The following NTF3 variants were observed in gnomAD, a reference collection of about 807,000 sequenced individuals.
The protein encoded by NTF3 is neurotrophin-3.
In NTF3, 8 loss-of-function variants were observed where a neutral mutation model predicts 26.3. The ratio of observed to expected loss-of-function variants is 0.30; its 90% CI spans 0.18 to 0.55. The LOEUF is 0.55. NTF3 is among the 20% of genes least tolerant of loss of function. The pLI is 0.93. For missense variants in NTF3, 276 were observed against 352.9 expected (o/e 0.78, Z 1.75); for synonymous variants, 154 against 145.5 (o/e 1.06, Z -0.42).
At chr12:5,465,294 C>G (rs923565343) in intron 1 of NTF3, among the ~76,000 whole-genome samples, 2 of 152,220 alleles carry the variant, frequency 1.3e-5, no homozygotes, top group Non-Finnish European at 2.9e-5. Context: ...AGGCCGTTGC[C>G]TAGAATAGGG....
chr12:5,432,332 C>T lies in NTF3; in HGVS notation c.8C>T (p.Thr3Ile). 1 of 1,613,046 alleles carries T rather than the reference C, an allele frequency of 6.2e-7. No homozygotes were observed. Among genetic ancestry groups the T allele is most frequent in the Non-Finnish European group, 8.5e-7 (1 of 1,179,668 alleles). ...AACGGCCACACGGATGCCATGGTTACTTTTGCCACGGTAAGGGGAGGCGGC... is the reference window on the plus strand; with the variant it reads ...AACGGCCACACGGATGCCATGGTTATTTTTGCCACGGTAAGGGGAGGCGGC... MVTFATILQVNKV... is the reference protein window; with the variant it reads MVIFATILQVNKV... The change falls in exon 1 of 2, where the codon ACT (threonine) becomes ATT (isoleucine). Residue 3 changes from threonine (T) to isoleucine (I), a missense_variant. By Grantham distance (89) the Thr-to-Ile change is moderately conservative. Coordinates refer to ENST00000423158, the MANE Select transcript of NTF3 (RefSeq NM_001102654.2).
Position 5,494,285 on chromosome 12 carries a change from G to A in NTF3, c.110G>A (p.Arg37Lys). ...ATCCAAGGTAACAACATGGATCAAAGGAGTTTGCCAGAAGACTCGCTCAAT... is the reference window on the plus strand; with the variant it reads ...ATCCAAGGTAACAACATGGATCAAAAGAGTTTGCCAGAAGACTCGCTCAAT... Reference protein sequence around the residue: ...RGIQGNNMDQRSLPEDSLNSL... With the variant: ...RGIQGNNMDQKSLPEDSLNSL... Residue 37 changes from arginine to lysine, a missense_variant, in exon 2 of 2, where the codon AGG becomes AAG. By Grantham distance (26) the Arg-to-Lys change is conservative (BLOSUM62 2). Transcript: ENST00000423158. The surrounding 1 kb of genome is among the most constrained non-coding windows in gnomAD (Gnocchi z 8.3). 6.2e-7 allele frequency: 1 copy of A among 1,614,130 alleles called. No homozygotes were observed. The highest frequency in any genetic ancestry group is 8.5e-7 in the Non-Finnish European group (1 of 1,180,026).
At chr12:5,493,987 G>A (rs1415443252) in intron 1 of NTF3, 1 of 594,806 alleles carries the variant, frequency 1.7e-6, no homozygotes, top group South Asian at 2.1e-5. Flanking sequence ...AGAGTCGGCA[G>A]ACCTGGAGTG....
chr12:5,436,242 T>A (rs1940166927), intron 1 of NTF3, among the ~76,000 whole-genome samples: 1 of 152,198 alleles, frequency 6.6e-6, no homozygotes, highest in Non-Finnish European at 1.5e-5. Context: ...GGACTTTATT[T>A]GACTCATGAC....
rs1045262151 is a variant in NTF3 at position 5,474,978 on chromosome 12, AT to A, written c.19-19215del. Reference sequence around the variant, plus strand: ...GGGAGGATGGTGACTTCAGCTTTGGATATAGCACCCTTGAGATTCCTCTGCA... The same window carrying A: ...GGGAGGATGGTGACTTCAGCTTTGGAATAGCACCCTTGAGATTCCTCTGCA... On this transcript the variant is annotated intron_variant, in intron 1 of 1. Coordinates refer to ENST00000423158, the MANE Select transcript of NTF3 (RefSeq NM_001102654.2). Among the ~76,000 whole-genome samples, 153 of 152,226 alleles carry A rather than the reference AT, an allele frequency of 1.0e-3. 1 individual carries two copies. Among genetic ancestry groups the A allele is most frequent in the African/African-American group, 3.6e-3 (149 of 41,536 alleles).
chr12:5,484,222 A>G (rs1278775336), intron 1 of NTF3, among the ~76,000 whole-genome samples: 3 of 152,138 alleles, frequency 2.0e-5, no homozygotes, highest in African/African-American at 7.2e-5. Context: ...TGGGCAAGTC[A>G]CTTCCCCCCA....
At position 5,488,374 on chromosome 12, in the gene NTF3, C is replaced by A. The variant is rs566893228; in HGVS notation, c.19-5820C>A. ...TCATCTGTGCATTTTAATTAATCTG[C>A]CACTTTTTCCTCCCTCCTGCTTCCG... On this transcript the variant is annotated intron_variant, in intron 1 of 1. Transcript: ENST00000423158. Among the ~76,000 whole-genome samples the A allele has an allele frequency of 2.0e-5, 3 of 152,294 alleles. No individual in the cohort carries two copies. The East Asian group carries it at 5.8e-4, about 29-fold the overall frequency.
Position 5,494,835 on chromosome 12 carries a change from T to C in NTF3, c.660T>C (p.Gly220=), listed in dbSNP as rs1334092822. ...EARPVKNGCR[G]IDDKHWNSQC... is the part of the protein sequence containing the mutation. The stretch of plus-strand genomic sequence containing the variant: ...GGCCGGTCAAAAACGGTTGCAGGGG[T>C]ATTGATGATAAACACTGGAACTCTC... Residue 220 remains glycine, a synonymous_variant, in exon 2 of 2, where the codon GGT becomes GGC. Coordinates refer to ENST00000423158, the MANE Select transcript of NTF3 (RefSeq NM_001102654.2). This position sits in a 1 kb window ranked among gnomAD's most constrained non-coding sequence, Gnocchi z 8.3. 7.4e-6 allele frequency: 12 copies of C among 1,613,876 alleles called. No homozygotes were observed. The highest frequency in any genetic ancestry group is 9.3e-6 in the Non-Finnish European group (11 of 1,180,026).
In NTF3 at chr12:5,493,484, G is replaced by A. The variant is rs71532850; in HGVS notation, c.19-710G>A. ...GCAAGTAGTGCTGTGGCAGAGCTGC[G>A]TTTTGTGGAGAGCGTCCCCGGGGAT... On this transcript the variant is annotated intron_variant, in intron 1 of 1. Coordinates refer to ENST00000423158, the MANE Select transcript of NTF3 (RefSeq NM_001102654.2). Among the ~76,000 whole-genome samples, 1,212 of 152,286 alleles carry A rather than the reference G, an allele frequency of 8.0e-3. 6 individuals are homozygous for A. The highest frequency in any genetic ancestry group is 0.013 in the Non-Finnish European group (865 of 68,014).
chr12:5,452,799 C>G (rs767814231), intron 1 of NTF3, among the ~76,000 whole-genome samples: 10 of 152,188 alleles, frequency 6.6e-5, no homozygotes, highest in Non-Finnish European at 1.3e-4. Context: ...GTCGCCTCCC[C>G]TTTGCTTCAT....
chr12:5,431,663 G>T (rs1439331600), upstream of NTF3, among the ~76,000 whole-genome samples: 3 of 152,012 alleles, frequency 2.0e-5, no homozygotes, highest in African/African-American at 4.8e-5. Flanking sequence ...TGAGGAAAAA[G>T]GCAGGAAAAG....
intron 1 of NTF3, among the ~76,000 whole-genome samples, chr12:5,476,751 G>T (rs915866543): frequency 3.9e-5 from 6 of 152,166 alleles, no homozygotes; most frequent in Non-Finnish European, 8.8e-5. Flanking sequence ...GCAAATTAAC[G>T]TGATAGAATA....
In NTF3 at chr12:5,495,162, T is replaced by A; in HGVS notation, c.*174T>A. ...ATAAAATCAGTGTGCTTGCCTTCCC[T>A]CAGGCCTCTCCCATCTGTTAAAACT... On this transcript the variant is annotated 3_prime_UTR_variant, in exon 2 of 2. Coordinates refer to ENST00000423158, the MANE Select transcript of NTF3 (RefSeq NM_001102654.2). The A allele has an allele frequency of 1.4e-6, 1 of 691,052 alleles. No homozygotes were observed. The highest frequency in any genetic ancestry group is 2.4e-6 in the Non-Finnish European group (1 of 420,664). The allele number at this position is 691,052 out of a possible 1,614,324, so 42.8% of individuals were successfully genotyped here.
rs1940118825 is a variant in NTF3, at chr12:5,433,136, G to GC, written c.18+796dup. Reference sequence around the variant, plus strand: ...CCTCTTGGCCAGCGCCCACCCGGTGGCCACCCCACCCTGGGCCTTTGCGCA... The same window carrying GC: ...CCTCTTGGCCAGCGCCCACCCGGTGGCCCACCCCACCCTGGGCCTTTGCGCA... On this transcript the variant is annotated intron_variant, in intron 1 of 1. Transcript: ENST00000423158. This position sits in a 1 kb window ranked among gnomAD's most constrained non-coding sequence, Gnocchi z 4.6. The GC allele has an allele frequency of 6.6e-6, 1 of 152,230 alleles. No individual in the cohort carries two copies. Among genetic ancestry groups the GC allele is most frequent in the Non-Finnish European group, 1.5e-5 (1 of 68,070 alleles). 9.4% of individuals were successfully genotyped at this position (152,230 alleles called of 1,614,324 possible). A position where few individuals can be genotyped will look rare whatever the true frequency, so the allele number is the denominator to read the frequency against.
chr12:5,443,164 C>T (rs1172821767), intron 1 of NTF3, among the ~76,000 whole-genome samples: 3 of 152,154 alleles, frequency 2.0e-5, no homozygotes, highest in African/African-American at 7.2e-5. Flanking sequence ...CCTGGAGGGC[C>T]TGAGGTCTAG....
At chr12:5,480,720 G>A (rs1940779989) in intron 1 of NTF3, among the ~76,000 whole-genome samples, 2 of 150,840 alleles carry the variant, frequency 1.3e-5, no homozygotes, top group South Asian at 2.1e-4. Context: ...AGAAAAGTGA[G>A]TGCAAACGTT....
At chr12:5,434,472 A>AGTGT (rs59874216) in intron 1 of NTF3, among the ~76,000 whole-genome samples, 9,660 of 142,702 alleles carry the variant, frequency 0.068, 354 homozygotes, top group Middle Eastern at 0.11. Context: ...GTTTTTCCAA[A>AGTGT]GTGTGTGTGT....
intron 1 of NTF3, among the ~76,000 whole-genome samples, chr12:5,476,164 G>A (rs1384382615): frequency 6.6e-6 from 1 of 152,124 alleles, no homozygotes; most frequent in Non-Finnish European, 1.5e-5. Flanking sequence ...GTCCTACCGT[G>A]CAACCATTAC....
At chr12:5,486,211 G>A (rs1000561453) in intron 1 of NTF3, among the ~76,000 whole-genome samples, 1 of 152,188 alleles carries the variant, frequency 6.6e-6, no homozygotes, top group African/African-American at 2.4e-5. Context: ...TCCTCTGGGG[G>A]CCAAATCAGT....
Sources: allele counts gnomAD v4.1 joint callset (sites outside exome capture counted in the v4.1 genomes callset), GRCh38; gene constraint gnomAD v4.1.1; non-coding constraint Gnocchi (gnomAD v3.1); transcripts MANE v1.5; gene names NCBI Gene and HGNC (gene_info 2026-07-23, HGNC 2026-07-21).